The following CNDP2 variants were observed in gnomAD, a reference collection of about 807,000 sequenced individuals.
The protein encoded by CNDP2 is carnosine dipeptidase 2.
In CNDP2, 38 loss-of-function variants were observed where a neutral mutation model predicts 55.0. The observed-to-expected ratio is 0.69, with a 90% CI of 0.53 to 0.90. CNDP2 has a LOEUF of 0.90. Among genes scored for constraint, CNDP2 ranks in the 40% least tolerant of loss-of-function variants. The pLI, the probability that CNDP2 is intolerant of heterozygous loss-of-function variation, is 0.00. For missense variants in CNDP2, 607 were observed against 621.7 expected (o/e 0.98, Z 0.25); for synonymous variants, 241 against 260.2 (o/e 0.93, Z 0.71).
intron 11 of CNDP2, 122 bp downstream of exon 11, chr18:74,519,218 C>A: frequency 1.6e-6 from 2 of 1,269,068 alleles, no homozygotes; most frequent in Non-Finnish European, 1.1e-6. Context: ...CCGTGACCTG[C>A]CCTCCTGTAT....
Position 74,522,594 on chromosome 18 carries a change from T to A in CNDP2, c.*2526T>A, listed in dbSNP as rs573951002. ...TGAGTGAATGCTGTTATTGTAGGAG[T>A]GGGCTTGTTTGGCCTCCTCTTGCTC... On this transcript the variant is annotated 3_prime_UTR_variant, in exon 12 of 12. Transcript: ENST00000324262. 1 of 152,336 alleles carries A rather than the reference T, an allele frequency of 6.6e-6. No individual in the cohort carries two copies. 9.4% of individuals were successfully genotyped at this position (152,336 alleles called of 1,614,324 possible).
Position 74,518,601 on chromosome 18 carries a change from C to A in CNDP2, c.1171C>A (p.His391Asn). 6.2e-7 allele frequency: 1 copy of A among 1,614,226 alleles called. No homozygotes were observed. The highest frequency in any genetic ancestry group is 8.5e-7 in the Non-Finnish European group (1 of 1,180,050). ...GAAGCCCTGGGTCTCCGACTTCAGT[C>A]ACCCTCATTACCTGGCTGGGAGAAG... ...GGKPWVSDFS[H>N]PHYLAGRRAM... Residue 391 changes from histidine (H) to asparagine (N), a missense_variant, in exon 10 of 12, where the codon CAC (histidine) becomes AAC (asparagine). Physicochemically the swap from His to Asn is moderately conservative, Grantham distance 68. Transcript: ENST00000324262.
intron 3 of CNDP2, among the ~76,000 whole-genome samples, chr18:74,503,978 G>A (rs1461891779): frequency 2.0e-5 from 3 of 148,510 alleles, no homozygotes; most frequent in Admixed American, 6.7e-5. Flanking sequence ...CCACACTGCC[G>A]CTGGGACAAA....
chr18:74,499,635 T>C (rs1452208655), intron 1 of CNDP2: 1 of 289,302 alleles, frequency 3.5e-6, no homozygotes, highest in Non-Finnish European at 6.4e-6. Context: ...TGCCTACTTT[T>C]AGTTTTCACT....
intron 5 of CNDP2, among the ~76,000 whole-genome samples, chr18:74,509,890 G>C (rs1979243964): frequency 6.6e-6 from 1 of 152,218 alleles, no homozygotes; most frequent in African/African-American, 2.4e-5. Context: ...TGGAATGTTA[G>C]GTCTGAAAAG....
chr18:74,498,993 C>G (rs1277903844), intron 1 of CNDP2, among the ~76,000 whole-genome samples: 6 of 152,178 alleles, frequency 3.9e-5, no homozygotes, highest in Admixed American at 1.3e-4. Flanking sequence ...AAAGTCACCT[C>G]TCTGTTGAGA....
Position 74,522,344 on chromosome 18 carries a change from G to T in CNDP2, c.*2276G>T, listed in dbSNP as rs1198672637. ...CTTTCAGCTTCTAATCCTGCAAAAAGAACTGCATGGTCTTCCCCCAGAAAT... is the reference window on the plus strand; with the variant it reads ...CTTTCAGCTTCTAATCCTGCAAAAATAACTGCATGGTCTTCCCCCAGAAAT... On this transcript the variant is annotated 3_prime_UTR_variant, in exon 12 of 12. Coordinates refer to ENST00000324262, the MANE Select transcript of CNDP2 (RefSeq NM_018235.3). The T allele has an allele frequency of 6.6e-6, 1 of 152,244 alleles. No homozygotes were observed. The highest frequency in any genetic ancestry group is 1.5e-5 in the Non-Finnish European group (1 of 68,060). The allele number at this position is 152,244 out of a possible 1,614,324, so 9.4% of individuals were successfully genotyped here.
chr18:74,511,083 T>C, intron 6 of CNDP2, 70 bp downstream of exon 6: 1 of 1,351,294 alleles, frequency 7.4e-7, no homozygotes, highest in Non-Finnish European at 1.0e-6. Context: ...AAACGCAAAG[T>C]AGACAAGGAC....
intron 1 of CNDP2, among the ~76,000 whole-genome samples, chr18:74,499,008 A>G (rs775011666): frequency 6.6e-6 from 1 of 152,148 alleles, no homozygotes; most frequent in Non-Finnish European, 1.5e-5. Flanking sequence ...TTGAGAAATC[A>G]CTTTGAAAGC....
chr18:74,509,152 A>C, intron 5 of CNDP2: 1 of 519,646 alleles, frequency 1.9e-6, no homozygotes, highest in African/African-American at 1.9e-5. Context: ...CTTAAAGGTC[A>C]CAATATTGGC....
intron 4 of CNDP2, chr18:74,506,959 C>T (rs985233501): frequency 2.6e-5 from 4 of 152,278 alleles, no homozygotes; most frequent in African/African-American, 9.6e-5. Flanking sequence ...CTCTTCTCAT[C>T]GAAGCCCTTC....
chr18:74,499,114 T>C (rs1204578183), intron 1 of CNDP2, among the ~76,000 whole-genome samples: 1 of 152,198 alleles, frequency 6.6e-6, no homozygotes, highest in African/African-American at 2.4e-5. Context: ...GTCCTGTCAC[T>C]CCACAGCTGT....
intron 3 of CNDP2, among the ~76,000 whole-genome samples, chr18:74,502,074 C>T (rs1166980298): frequency 3.3e-5 from 5 of 152,130 alleles, no homozygotes; most frequent in African/African-American, 9.6e-5. Flanking sequence ...TTTGTAGAGA[C>T]GGGGTTTTGC....
Position 74,510,959 on chromosome 18 carries a change from G to T in CNDP2, c.603G>T (p.Lys201Asn), listed in dbSNP as rs1206088110. The change falls in exon 6 of 12, where the codon AAG (lysine) becomes AAT (asparagine). Residue 201 changes from lysine (K) to asparagine (N), a missense_variant. By Grantham distance (94) the Lys-to-Asn change is moderately conservative. Transcript: ENST00000324262. ...TTTCTGACAATTACTGGCTGGGAAA[G>T]AAGAAGCCCTGCATCACCTACGGCC... ...VCISDNYWLG[K>N]KKPCITYGLR... is the part of the protein sequence containing the mutation. The T allele has an allele frequency of 1.9e-6, 3 of 1,614,110 alleles. No homozygotes were observed. The highest frequency in any genetic ancestry group is 2.5e-6 in the Non-Finnish European group (3 of 1,180,040).
chr18:74,506,278 G>T (rs571086697), intron 4 of CNDP2, among the ~76,000 whole-genome samples: 5 of 152,120 alleles, frequency 3.3e-5, no homozygotes, highest in Non-Finnish European at 7.4e-5. Flanking sequence ...GGGATTACGG[G>T]CGCCCATCAC....
Position 74,521,922 on chromosome 18 carries a change from A to C in CNDP2, c.*1854A>C, listed in dbSNP as rs563132850. On this transcript the variant is annotated 3_prime_UTR_variant, in exon 12 of 12. Transcript: ENST00000324262. ...CAGGCACCACCCTCAGATCAAAATG[A>C]ACCTCAGCAGTAATGACACGTCCAC... is the stretch of plus-strand genomic sequence containing the variant. The C allele has an allele frequency of 3.7e-3, 566 of 152,450 alleles. 1 individual carries two copies. Among genetic ancestry groups the C allele is most frequent in the Non-Finnish European group, 6.7e-3 (458 of 68,078 alleles). 9.4% of individuals were successfully genotyped at this position (152,450 alleles called of 1,614,324 possible). A position where few individuals can be genotyped will look rare whatever the true frequency, so the allele number is the denominator to read the frequency against.
In CNDP2 at chr18:74,509,138, G is replaced by A. The variant is rs73476733; in HGVS notation, c.456+210G>A. 3,337 of 543,292 alleles carry A rather than the reference G, an allele frequency of 6.1e-3. 72 individuals carry two copies. The highest frequency in any genetic ancestry group is 0.057 in the African/African-American group (3,021 of 53,294). 33.7% of individuals were successfully genotyped at this position (543,292 alleles called of 1,614,324 possible). A position where few individuals can be genotyped will look rare whatever the true frequency, so the allele number is the denominator to read the frequency against. The stretch of plus-strand genomic sequence containing the variant: ...ACATTCAAAGTGTAATTGTTTTACA[G>A]CTGCTTAAAGGTCACAATATTGGCG... On this transcript the variant is annotated intron_variant, in intron 5 of 11. Coordinates refer to ENST00000324262, the MANE Select transcript of CNDP2 (RefSeq NM_018235.3).
At chr18:74,505,711 G>T in intron 3 of CNDP2, 138 bp from the exon 4 acceptor site, 1 of 861,600 alleles carries the variant, frequency 1.2e-6, no homozygotes, top group Non-Finnish European at 1.8e-6. Flanking sequence ...CCATTGAACA[G>T]TGTGCTCTTA....
intron 2 of CNDP2, among the ~76,000 whole-genome samples, chr18:74,500,333 A>G (rs1312654371): frequency 6.6e-6 from 1 of 152,244 alleles, no homozygotes; most frequent in African/African-American, 2.4e-5. Context: ...TAAGTAATTC[A>G]ATAGTTATAT....
Sources: gnomAD v4.1 joint callset for allele counts (sites outside exome capture counted in the v4.1 genomes callset) on GRCh38, gnomAD v4.1.1 for gene constraint, MANE v1.5 for transcripts, NCBI Gene and HGNC (gene_info 2026-07-23, HGNC 2026-07-21) for gene names.